The following FRMPD3 variants were observed in gnomAD, a reference collection of about 807,000 sequenced individuals.
FRMPD3 encodes the protein FERM and PDZ domain-containing protein 3.
Under a neutral mutation model 97.9 loss-of-function variants are expected in FRMPD3, and 42 were observed. The ratio of observed to expected loss-of-function variants is 0.43; its 90% CI spans 0.34 to 0.55. The LOEUF is 0.55. Ranked by LOEUF, FRMPD3 falls within the 20% of genes least tolerant of loss-of-function variation. The probability of loss-of-function intolerance (pLI) is 0.03; values close to 1 mark genes in which losing one functional copy is unlikely to be tolerated. For missense variants in FRMPD3, 1,303 were observed against 1,457.7 expected (o/e 0.89, Z 1.73); for synonymous variants, 577 against 581.1 (o/e 0.99, Z 0.10).
intron 1 of FRMPD3, among the ~76,000 whole-genome samples, chrX:107,491,955 C>T (rs890916820): frequency 1.8e-5 from 2 of 109,517 alleles, no homozygotes; most frequent in African/African-American, 6.7e-5. Context: ...CCTCATTACA[C>T]CCCCGAGACA....
intron 1 of FRMPD3, among the ~76,000 whole-genome samples, chrX:107,505,422 T>C (rs1163563155): frequency 1.8e-5 from 2 of 112,082 alleles, no homozygotes; most frequent in African/African-American, 6.5e-5. Flanking sequence ...ACCACAAAGG[T>C]GCCCTGCTTC....
At chrX:107,599,427 G>T (rs911809352) in intron 14 of FRMPD3, among the ~76,000 whole-genome samples, 1 of 110,787 alleles carries the variant, frequency 9.0e-6, no homozygotes, top group African/African-American at 3.3e-5. Context: ...CATGTATTTG[G>T]CCCCCAGGGC....
chrX:107,568,683 G>A (rs887477389), intron 12 of FRMPD3, among the ~76,000 whole-genome samples: 12 of 108,239 alleles, frequency 1.1e-4, no homozygotes, highest in African/African-American at 2.7e-4. Context: ...GCAGTGAGCC[G>A]AGATCATGCC....
intron 13 of FRMPD3, among the ~76,000 whole-genome samples, chrX:107,583,330 C>T (rs1435683143): frequency 9.1e-6 from 1 of 109,993 alleles, no homozygotes; most frequent in African/African-American, 3.3e-5. Context: ...TGAGTAAGAA[C>T]ATGCGATGTT....
At position 107,478,847 on chromosome X, in the gene FRMPD3, G is replaced by A. The variant is rs781615866; in HGVS notation, c.-8+28842G>A. Among the ~76,000 whole-genome samples, 5 of 111,934 alleles carry A rather than the reference G, an allele frequency of 4.5e-5. No individual in the cohort carries two copies. The East Asian group carries it at 1.4e-3, about 32-fold the overall frequency. ...GAGACTAAGCAGCTCAAACATGTGA[G>A]GGGCTTGTGTTCTGTGCTAAGCTAA... On this transcript the variant is annotated intron_variant, in intron 1 of 14. Coordinates refer to ENST00000683843, the MANE Select transcript of FRMPD3 (RefSeq NM_001388459.1).
chrX:107,601,916 C>T lies in FRMPD3; in HGVS notation c.3877C>T (p.Arg1293Cys), dbSNP rs756867348. The T allele has an allele frequency of 7.6e-6, 9 of 1,190,996 alleles. No individual in the cohort carries two copies. Among genetic ancestry groups the T allele is most frequent in the South Asian group, 1.9e-5 (1 of 53,388 alleles). ...TGTGCAGCAGGGGCCTGGCATGTCC[C>T]GTGAGCAGAGGCGCAGCTGTGACTG... ...SPVQQGPGMS[R>C]EQRRSCDCKR... The change falls in exon 15 of 15, where the codon CGT (arginine) becomes TGT (cysteine). Residue 1293 changes from arginine to cysteine, a missense_variant. This residue lies in a region of FRMPD3 where 764 missense variants were observed against 820.2 expected (regional missense o/e 0.93). Transcript: ENST00000683843.
chrX:107,534,977 A>G (rs898488142), intron 4 of FRMPD3, among the ~76,000 whole-genome samples: 2 of 111,553 alleles, frequency 1.8e-5, no homozygotes, highest in East Asian at 2.8e-4. Flanking sequence ...TCCCCTCCCC[A>G]CCACTTTGCT....
chrX:107,578,009 C>G (rs990327816), intron 13 of FRMPD3, among the ~76,000 whole-genome samples: 1 of 111,614 alleles, frequency 9.0e-6, no homozygotes, highest in Non-Finnish European at 1.9e-5. Flanking sequence ...TCTGAAGGGG[C>G]GGCCATACTA....
At chrX:107,525,021 A>AAAG (rs1922644254) in intron 1 of FRMPD3, among the ~76,000 whole-genome samples, 2 of 108,111 alleles carry the variant, frequency 1.8e-5, no homozygotes, top group African/African-American at 6.8e-5. Context: ...AAAAAAAAAA[A>AAAG]GAATTGCATT....
intron 12 of FRMPD3, among the ~76,000 whole-genome samples, chrX:107,569,585 C>T (rs1922783040): frequency 9.0e-6 from 1 of 110,843 alleles, no homozygotes; most frequent in African/African-American, 3.3e-5. Flanking sequence ...AGCTGGCTCA[C>T]ACAGTGCATC....
intron 1 of FRMPD3, among the ~76,000 whole-genome samples, chrX:107,488,102 C>T (rs1017984786): frequency 8.9e-6 from 1 of 111,732 alleles, no homozygotes; most frequent in African/African-American, 3.3e-5. Flanking sequence ...TGTTACCACA[C>T]AGCGTTAAGC....
intron 4 of FRMPD3, among the ~76,000 whole-genome samples, chrX:107,534,609 C>T: frequency 9.0e-6 from 1 of 111,250 alleles, no homozygotes; most frequent in Non-Finnish European, 1.9e-5. Flanking sequence ...TTCAAACTAA[C>T]TGCCTCTCCC....
Position 107,601,951 on chromosome X carries a change from C to A in FRMPD3, c.3912C>A (p.Ile1304=). 8.5e-7 allele frequency: 1 copy of A among 1,174,162 alleles called. No homozygotes were observed. Among genetic ancestry groups the A allele is most frequent in the Non-Finnish European group, 1.1e-6 (1 of 878,258 alleles). The change falls in exon 15 of 15, where the codon ATC becomes ATA. Residue 1304 remains isoleucine, a synonymous_variant. Coordinates refer to ENST00000683843, the MANE Select transcript of FRMPD3 (RefSeq NM_001388459.1). ...EQRRSCDCKR[I]CRGGRPQATQ... ...GGCGCAGCTGTGACTGCAAGCGCAT[C>A]TGCCGGGGGGGCCGGCCACAAGCCA...
intron 1 of FRMPD3, among the ~76,000 whole-genome samples, chrX:107,511,457 G>C (rs1922161783): frequency 1.8e-5 from 2 of 112,675 alleles, no homozygotes; most frequent in Non-Finnish European, 3.8e-5. Context: ...TAACCTCCAA[G>C]CTCCCTGCCA....
At chrX:107,490,156 G>A (rs757313440) in intron 1 of FRMPD3, among the ~76,000 whole-genome samples, 3 of 111,674 alleles carry the variant, frequency 2.7e-5, no homozygotes, top group African/African-American at 9.8e-5. Flanking sequence ...GTAGATATGC[G>A]GCATTATTTC....
rs137861442 is a variant in FRMPD3 at position 107,559,886 on chromosome X, C to T, written c.763-371C>T. On this transcript the variant is annotated intron_variant, in intron 8 of 14. Coordinates refer to ENST00000683843, the MANE Select transcript of FRMPD3 (RefSeq NM_001388459.1). Reference sequence around the variant, plus strand: ...GTTTCCATCTGAGCTAGTAAAGGAGCCTTGTATGGCTTGGGGGTGAGTATA... The same window carrying T: ...GTTTCCATCTGAGCTAGTAAAGGAGTCTTGTATGGCTTGGGGGTGAGTATA... 4.6e-4 allele frequency among the ~76,000 whole-genome samples: 51 copies of T among 110,292 alleles called. No individual in the cohort carries two copies. In the East Asian group the frequency reaches 0.014, roughly 30 times the overall value.
intron 1 of FRMPD3, among the ~76,000 whole-genome samples, chrX:107,520,577 C>T (rs1922476736): frequency 9.0e-6 from 1 of 111,285 alleles, no homozygotes; most frequent in Non-Finnish European, 1.9e-5. Context: ...GGAGGATCAT[C>T]TGAGCCCAGG....
chrX:107,555,437 G>C (rs980074337), intron 8 of FRMPD3, among the ~76,000 whole-genome samples: 1 of 111,839 alleles, frequency 8.9e-6, no homozygotes, highest in Non-Finnish European at 1.9e-5. Context: ...GCATCAACTG[G>C]GACCTTGTTA....
intron 13 of FRMPD3, among the ~76,000 whole-genome samples, chrX:107,585,925 T>C (rs902325953): frequency 8.9e-6 from 1 of 112,063 alleles, no homozygotes; most frequent in Non-Finnish European, 1.9e-5. Flanking sequence ...TGTCTCTTTC[T>C]AGTTTGAGTA....
Sources: gnomAD v4.1 joint callset for allele counts (sites outside exome capture counted in the v4.1 genomes callset) on GRCh38, gnomAD v4.1.1 for gene constraint, gnomAD v4.1.1 regional missense constraint, MANE v1.5 for transcripts, NCBI Gene and HGNC (gene_info 2026-07-23, HGNC 2026-07-21) for gene names.